CEP63: variants seen among roughly 807,000 people sequenced by gnomAD.
CEP63 encodes the protein centrosomal protein 63, also known as centrosomal protein of 63 kDa.
CEP63 carries 84 observed loss-of-function variants against 89.1 expected under a neutral mutation model. The ratio of observed to expected loss-of-function variants is 0.94; its 90% CI spans 0.79 to 1.13. CEP63 has a LOEUF of 1.13. Among genes scored for constraint, CEP63 ranks in the 50% most tolerant of loss-of-function variants. The pLI is 0.00. For missense variants in CEP63, 838 were observed against 813.3 expected, an observed-to-expected ratio of 1.03 and a Z score of -0.37; for synonymous variants, 267 against 272.5, an observed-to-expected ratio of 0.98 and a Z score of 0.20.
At chr3:134,489,291 G>T (rs1378101835) in intron 1 of CEP63, among the ~76,000 whole-genome samples, 1 of 152,120 alleles carries the variant, frequency 6.6e-6, no homozygotes, top group African/African-American at 2.4e-5. Flanking sequence ...ATTGCAGAAA[G>T]TTGTATTGAA....
chr3:134,721,951 T>C, the CEP63 span, among the ~76,000 whole-genome samples: 1 of 152,262 alleles, frequency 6.6e-6, no homozygotes, highest in South Asian at 2.1e-4. Context: ...GTGATATCTT[T>C]GTCTGGTTTT....
the CEP63 span, chr3:134,610,297 T>G: frequency 3.7e-6 from 6 of 1,613,616 alleles, no homozygotes; most frequent in South Asian, 5.5e-5. Context: ...CCAGGCATGG[T>G]CAAACTCCCC....
chr3:134,616,610 A>G, the CEP63 span, among the ~76,000 whole-genome samples: 1 of 152,218 alleles, frequency 6.6e-6, no homozygotes, highest in Middle Eastern at 3.2e-3. Flanking sequence ...GCACATGGTA[A>G]TCACCATGTT....
the CEP63 span, among the ~76,000 whole-genome samples, chr3:134,672,926 T>C: frequency 1.3e-5 from 2 of 152,318 alleles, no homozygotes; most frequent in South Asian, 4.1e-4. Context: ...TGGCTTACGT[T>C]GTTTCAATAG....
chr3:134,650,751 C>G, the CEP63 span: 2 of 1,376,110 alleles, frequency 1.5e-6, no homozygotes, highest in Non-Finnish European at 1.9e-6. Flanking sequence ...TGGGCGCCCC[C>G]CGGCGGGCAG....
intron 6 of CEP63, among the ~76,000 whole-genome samples, chr3:134,541,497 C>T (rs1035507816): frequency 1.3e-5 from 2 of 149,072 alleles, no homozygotes. Context: ...GATAAATGAA[C>T]GATACTAGCC....
At position 134,547,097 on chromosome 3, in the gene CEP63, T is replaced by G. The variant is rs576496966; in HGVS notation, c.930-238T>G. Reference sequence around the variant, plus strand: ...ACTGAAGTGATTTTGCCATTTTGTCTTTTTCCCTTGAAAAAAGGCCAAATC... The same window carrying G: ...ACTGAAGTGATTTTGCCATTTTGTCGTTTTCCCTTGAAAAAAGGCCAAATC... On this transcript the variant is annotated intron_variant, in intron 8 of 14. Transcript: ENST00000675561. Among the ~76,000 whole-genome samples, 3 of 152,322 alleles carry G rather than the reference T, an allele frequency of 2.0e-5. No homozygotes were observed. In the South Asian group the frequency reaches 6.2e-4, roughly 32 times the overall value.
intron 10 of CEP63, among the ~76,000 whole-genome samples, chr3:134,584,450 G>A (rs4504194): frequency 0.96 from 146,020 of 152,268 alleles, 70,251 homozygotes; most frequent in Non-Finnish European, 1. Context: ...GGTTTTTGTC[G>A]TTGGTTCTGT....
chr3:134,605,868 A>C, the CEP63 span, among the ~76,000 whole-genome samples: 2 of 149,980 alleles, frequency 1.3e-5, no homozygotes, highest in African/African-American at 2.5e-5. Context: ...CCCTCATCCC[A>C]CTCTCTGAGC....
At position 134,574,859 on chromosome 3, in the gene CEP63, C is replaced by T; in HGVS notation, c.1396C>T (p.Gln466Ter). The T allele has an allele frequency of 1.7e-6, 1 of 604,580 alleles. No homozygotes were observed. Among genetic ancestry groups the T allele is most frequent in the African/African-American group, 1.9e-5 (1 of 53,844 alleles). The allele number at this position is 604,580 out of a possible 1,614,324, so 37.5% of individuals were successfully genotyped here. The change falls in exon 12 of 12, where the codon CAG (glutamine) becomes TAG (stop). Residue 466 changes from glutamine to a stop codon, truncating the protein, a stop_gained. Transcript: ENST00000354446. LOFTEE classifies it high-confidence loss of function. Reference sequence around the variant, plus strand: ...CGGGATTCAAGCAATCCGCCAGCCTCAGCGTCCCAAAGTGCTGGAATTACA... The same window carrying T: ...CGGGATTCAAGCAATCCGCCAGCCTTAGCGTCCCAAAGTGCTGGAATTACA...
At chr3:134,672,047 T>C in the CEP63 span, among the ~76,000 whole-genome samples, 1 of 151,796 alleles carries the variant, frequency 6.6e-6, no homozygotes, top group Non-Finnish European at 1.5e-5. Context: ...TAGGGTGGAG[T>C]GTTGAAACCA....
the CEP63 span, among the ~76,000 whole-genome samples, chr3:134,774,168 T>C: frequency 6.6e-6 from 1 of 152,158 alleles, no homozygotes; most frequent in East Asian, 1.9e-4. Flanking sequence ...AACTGACTCT[T>C]TGTCCCCTAT....
chr3:134,748,655 C>A, the CEP63 span, among the ~76,000 whole-genome samples: 1 of 152,148 alleles, frequency 6.6e-6, no homozygotes, highest in African/African-American at 2.4e-5. Flanking sequence ...AGCCCCCATG[C>A]CTGTATGCTG....
Position 134,494,358 on chromosome 3 carries a change from C to T in CEP63, c.-25-938C>T, listed in dbSNP as rs570036880. Among the ~76,000 whole-genome samples, 7 of 151,882 alleles carry T rather than the reference C, an allele frequency of 4.6e-5. No individual in the cohort carries two copies. In the South Asian group the frequency reaches 6.2e-4, roughly 14 times the overall value. On this transcript the variant is annotated intron_variant, in intron 1 of 14. Transcript: ENST00000675561. ...CTCAAACTCCTGACCTCAGGTGATC[C>T]GCCTCCCTCGGCCTCCCAAGTTCTA... is the stretch of plus-strand genomic sequence containing the variant.
intron 11 of CEP63, among the ~76,000 whole-genome samples, chr3:134,574,374 T>C (rs1958139982): frequency 6.6e-6 from 1 of 152,176 alleles, no homozygotes; most frequent in Non-Finnish European, 1.5e-5. Context: ...TCAAGATGCA[T>C]TTTGGATCCT....
At chr3:134,565,706 C>T (rs543335083), downstream of CEP63, among the ~76,000 whole-genome samples, 2 of 151,226 alleles carry the variant, frequency 1.3e-5, no homozygotes, top group South Asian at 2.1e-4. Context: ...AGCCAAGTTA[C>T]CTCTGAGCTT....
intron 2 of CEP63, among the ~76,000 whole-genome samples, chr3:134,498,257 G>A (rs946762619): frequency 6.6e-6 from 1 of 151,308 alleles, no homozygotes; most frequent in African/African-American, 2.4e-5. Context: ...AGTTTTCTTT[G>A]TAGAGGTCTT....
chr3:134,607,273 G>A, the CEP63 span: 56 of 985,404 alleles, frequency 5.7e-5, no homozygotes, highest in Non-Finnish European at 6.7e-5. Context: ...AGTTGGAAGA[G>A]TTTGCAAGAG....
At chr3:134,722,098 G>A in the CEP63 span, among the ~76,000 whole-genome samples, 1 of 152,066 alleles carries the variant, frequency 6.6e-6, no homozygotes, top group Non-Finnish European at 1.5e-5. Flanking sequence ...ATCCCTCTGG[G>A]CTTGGGCTGT....
Sources: gnomAD v4.1 joint callset for allele counts (sites outside exome capture counted in the v4.1 genomes callset) on GRCh38, gnomAD v4.1.1 for gene constraint, MANE v1.5 for transcripts, NCBI Gene and HGNC (gene_info 2026-07-23, HGNC 2026-07-21) for gene names.